The following IFT80 variants were observed in gnomAD, a reference collection of about 807,000 sequenced individuals.
The protein encoded by IFT80 is intraflagellar transport protein 80 homolog.
Under a neutral mutation model 107.9 loss-of-function variants are expected in IFT80, and 79 were observed. That is an observed-to-expected ratio of 0.73 (90% CI 0.61 to 0.88). The LOEUF is 0.88. Among genes scored for constraint, IFT80 ranks in the 40% least tolerant of loss-of-function variants. The pLI, the probability that IFT80 is intolerant of heterozygous loss-of-function variation, is 0.00. For missense variants in IFT80, 797 were observed against 914.2 expected, an observed-to-expected ratio of 0.87 and a Z score of 1.65; for synonymous variants, 299 against 300.9, an observed-to-expected ratio of 0.99 and a Z score of 0.07.
intron 2 of IFT80, among the ~76,000 whole-genome samples, chr3:160,382,448 C>T (rs1712595756): frequency 6.6e-6 from 1 of 151,556 alleles, no homozygotes; most frequent in African/African-American, 2.4e-5. Context: ...AGATATGATC[C>T]CTCAAATTTT....
At chr3:160,320,045 T>C in intron 8 of IFT80, 106 bp from the exon 9 acceptor site, 2 of 756,228 alleles carry the variant, frequency 2.6e-6, no homozygotes, top group Middle Eastern at 2.4e-4. Flanking sequence ...TAAAAGAATG[T>C]CTATTCTGGA....
intron 4 of IFT80, among the ~76,000 whole-genome samples, chr3:160,376,185 TTC>T (rs1712008279): frequency 6.6e-6 from 1 of 152,196 alleles, no homozygotes; most frequent in Non-Finnish European, 1.5e-5. Flanking sequence ...CAAATAATGT[TTC>T]CTTTGTCACT....
Position 160,268,414 on chromosome 3 carries a change from CCTT to C in IFT80, c.2219_2221del (p.Glu740del). 6.2e-7 allele frequency: 1 copy of C among 1,611,580 alleles called. No homozygotes were observed. The highest frequency in any genetic ancestry group is 8.5e-7 in the Non-Finnish European group (1 of 1,177,892). On this transcript the variant is annotated inframe_deletion and splice_region_variant, in exon 19 of 20. Transcript: ENST00000326448. ...TATACAAAATTGTGAAATACTTACA[CCTT>C]CTGCATAATGCAAGTATCGTTTATT... is the stretch of plus-strand genomic sequence containing the variant.
intron 18 of IFT80, among the ~76,000 whole-genome samples, chr3:160,272,272 G>A (rs1713870509): frequency 6.6e-6 from 1 of 152,000 alleles, no homozygotes; most frequent in South Asian, 2.1e-4. Flanking sequence ...AGAGAAATAA[G>A]AACAGTGAAT....
chr3:160,321,473 T>C (rs1038251196), intron 8 of IFT80, among the ~76,000 whole-genome samples: 2 of 151,966 alleles, frequency 1.3e-5, no homozygotes, highest in Admixed American at 1.3e-4. Context: ...AAACCATACA[T>C]TCATATAACA....
chr3:160,304,917 T>C (rs962876156), intron 10 of IFT80, among the ~76,000 whole-genome samples: 11 of 152,200 alleles, frequency 7.2e-5, no homozygotes, highest in African/African-American at 2.4e-4. Context: ...CCCAATGTTA[T>C]TGTTGGGTTG....
At chr3:160,384,536 A>G (rs760133487) in intron 2 of IFT80, 28 bp downstream of exon 2, 6 of 1,411,920 alleles carry the variant, frequency 4.2e-6, no homozygotes, top group East Asian at 2.3e-5. Context: ...AGAAAATCCA[A>G]TAAGATTTAT....
intron 19 of IFT80, among the ~76,000 whole-genome samples, chr3:160,267,982 A>G (rs1713475288): frequency 6.6e-6 from 1 of 152,142 alleles, no homozygotes. Context: ...AGGCACTTCT[A>G]GGAGGTGCAA....
chr3:160,317,512 C>T (rs1717906509), intron 9 of IFT80, among the ~76,000 whole-genome samples: 1 of 151,882 alleles, frequency 6.6e-6, no homozygotes, highest in African/African-American at 2.4e-5. Flanking sequence ...GTAATTAAGG[C>T]TAAAACTTAT....
chr3:160,334,669 C>A (rs550476158), intron 8 of IFT80, among the ~76,000 whole-genome samples: 2 of 152,338 alleles, frequency 1.3e-5, no homozygotes, highest in Admixed American at 6.5e-5. Flanking sequence ...CCCTCCTCAG[C>A]ATCCCAAAGT....
chr3:160,340,046 C>T (rs1447639799), intron 8 of IFT80, among the ~76,000 whole-genome samples: 2 of 152,144 alleles, frequency 1.3e-5, no homozygotes, highest in Admixed American at 1.3e-4. Flanking sequence ...CAAAAATATT[C>T]TATGCCTCTT....
chr3:160,377,682 G>A, intron 3 of IFT80, 142 bp from the exon 4 acceptor site: 12 of 476,304 alleles, frequency 2.5e-5, no homozygotes, highest in South Asian at 1.6e-4. Context: ...TAAATCTATT[G>A]GAAAATAGGC....
chr3:160,281,729 G>A (rs2108233193), intron 14 of IFT80, among the ~76,000 whole-genome samples: 1 of 152,236 alleles, frequency 6.6e-6, no homozygotes, highest in Non-Finnish European at 1.5e-5. Context: ...AGTGGTAAGG[G>A]AAAAACGCCT....
At chr3:160,272,481 T>C (rs1713889618) in intron 18 of IFT80, among the ~76,000 whole-genome samples, 1 of 152,178 alleles carries the variant, frequency 6.6e-6, no homozygotes, top group Non-Finnish European at 1.5e-5. Context: ...ATTCAGACTA[T>C]TCTCTCTACT....
At chr3:160,380,707 G>GA (rs140443214) in intron 3 of IFT80, among the ~76,000 whole-genome samples, 13,283 of 147,780 alleles carry the variant, frequency 0.09, 793 homozygotes, top group African/African-American at 0.16. Context: ...CTTAAAAAGT[G>GA]AAAAAAAAAA....
At chr3:160,262,695 G>A (rs1169125125) in intron 19 of IFT80, among the ~76,000 whole-genome samples, 1 of 152,130 alleles carries the variant, frequency 6.6e-6, no homozygotes, top group African/African-American at 2.4e-5. Context: ...TCTAGTAAAG[G>A]AGAATTTATA....
intron 19 of IFT80, among the ~76,000 whole-genome samples, chr3:160,262,591 C>T (rs1004765559): frequency 6.6e-6 from 1 of 152,104 alleles, no homozygotes; most frequent in African/African-American, 2.4e-5. Context: ...TCCCAAAGTG[C>T]TGAGATTACA....
chr3:160,314,599 G>A lies in IFT80; in HGVS notation c.957+5161C>T, dbSNP rs77956526. On this transcript the variant is annotated intron_variant, in intron 9 of 19. Transcript: ENST00000326448. ...TCTGGTTTCTGAGTTAATGAAACAC[G>A]GATAAACCAAAAGCCAAAGAAGCCT... Among the ~76,000 whole-genome samples, 500 of 152,202 alleles carry A rather than the reference G, an allele frequency of 3.3e-3. 1 individual carries two copies. Among genetic ancestry groups the A allele is most frequent in the African/African-American group, 0.011 (461 of 41,520 alleles).
chr3:160,324,436 C>G (rs1266498688), intron 8 of IFT80, among the ~76,000 whole-genome samples: 1 of 152,130 alleles, frequency 6.6e-6, no homozygotes, highest in African/African-American at 2.4e-5. Context: ...CCACCATGAT[C>G]AAGTGGGCTT....
Sources: allele counts gnomAD v4.1 joint callset (sites outside exome capture counted in the v4.1 genomes callset), GRCh38; gene constraint gnomAD v4.1.1; transcripts MANE v1.5; gene names NCBI Gene and HGNC (gene_info 2026-07-23, HGNC 2026-07-21).